The following PLD5 variants were observed in gnomAD, a reference collection of about 807,000 sequenced individuals.
PLD5 encodes the protein phospholipase D family member 5.
PLD5 carries 36 observed loss-of-function variants against 61.1 expected under a neutral mutation model. The observed-to-expected ratio is 0.59, with a 90% confidence interval of 0.45 to 0.78. The LOEUF is 0.78. PLD5 is among the 30% of genes least tolerant of loss of function. The probability of loss-of-function intolerance (pLI) is 0.00; values close to 1 mark genes in which losing one functional copy is unlikely to be tolerated. For synonymous variants in PLD5, 243 were observed against 242.8 expected (o/e 1.00, Z -0.01); for missense variants, 515 against 644.4 (o/e 0.80, Z 2.17).
At chr1:242,426,267 C>A (rs1665416275) in intron 1 of PLD5, among the ~76,000 whole-genome samples, 1 of 142,466 alleles carries the variant, frequency 7.0e-6, no homozygotes, top group African/African-American at 2.7e-5. Context: ...ATGACTTCTT[C>A]TGAAATACCT....
intron 2 of PLD5, among the ~76,000 whole-genome samples, chr1:242,338,490 T>C (rs1419138782): frequency 1.3e-5 from 2 of 152,114 alleles, no homozygotes; most frequent in East Asian, 3.9e-4. Flanking sequence ...ATTCAAATTA[T>C]CTCTTTGGAG....
At chr1:242,128,314 AAG>A (rs1310925154) in intron 5 of PLD5, among the ~76,000 whole-genome samples, 2 of 98,878 alleles carry the variant, frequency 2.0e-5, no homozygotes, top group African/African-American at 9.2e-5. Context: ...CAAGGAAAGA[AAG>A]AAAAAAAAAA....
intron 4 of PLD5, among the ~76,000 whole-genome samples, chr1:242,236,866 T>C (rs921082419): frequency 6.6e-6 from 1 of 152,222 alleles, no homozygotes; most frequent in African/African-American, 2.4e-5. Context: ...CTTAGAAAAA[T>C]GTAATCACTG....
intron 2 of PLD5, among the ~76,000 whole-genome samples, chr1:242,315,405 A>G (rs1197856323): frequency 1.3e-5 from 2 of 152,204 alleles, no homozygotes; most frequent in Non-Finnish European, 1.5e-5. Context: ...GTCAACAAAC[A>G]TTTATTGAGT....
intron 1 of PLD5, among the ~76,000 whole-genome samples, chr1:242,402,892 G>T (rs1029291562): frequency 2.0e-5 from 3 of 152,154 alleles, no homozygotes; most frequent in Non-Finnish European, 4.4e-5. Context: ...ACCAAAAACA[G>T]TGCTAGAAGC....
intron 1 of PLD5, among the ~76,000 whole-genome samples, chr1:242,522,508 G>A (rs1360252364): frequency 6.6e-6 from 1 of 152,212 alleles, no homozygotes; most frequent in Non-Finnish European, 1.5e-5. Flanking sequence ...TTTTCAGTAA[G>A]AGAATAAAGG....
intron 1 of PLD5, among the ~76,000 whole-genome samples, chr1:242,484,107 G>C (rs1667874976): frequency 6.6e-6 from 1 of 152,062 alleles, no homozygotes; most frequent in South Asian, 2.1e-4. Context: ...AGAGAAAGCA[G>C]GAAAGATCCA....
At chr1:242,238,550 G>A (rs902681069) in intron 4 of PLD5, among the ~76,000 whole-genome samples, 7 of 152,142 alleles carry the variant, frequency 4.6e-5, no homozygotes, top group Non-Finnish European at 8.8e-5. Context: ...GAGTTTCCAC[G>A]GTCTAAGTAA....
At chr1:242,490,177 C>A (rs1420965458) in intron 1 of PLD5, among the ~76,000 whole-genome samples, 1 of 152,176 alleles carries the variant, frequency 6.6e-6, no homozygotes, top group Non-Finnish European at 1.5e-5. Flanking sequence ...TTAGTGAGAA[C>A]CATGGCTCCA....
At chr1:242,279,749 G>T (rs1674618066) in intron 3 of PLD5, among the ~76,000 whole-genome samples, 1 of 152,074 alleles carries the variant, frequency 6.6e-6, no homozygotes, top group Non-Finnish European at 1.5e-5. Context: ...GGCCAGGATG[G>T]TCTTGACCTA....
At chr1:242,151,075 CACA>C in intron 5 of PLD5, among the ~76,000 whole-genome samples, 1 of 151,754 alleles carries the variant, frequency 6.6e-6, no homozygotes. Context: ...ATAAGGACCT[CACA>C]ACAATATACT....
chr1:242,462,610 TAAAAAA>T (rs35055569), intron 1 of PLD5, among the ~76,000 whole-genome samples: 1 of 145,928 alleles, frequency 6.9e-6, no homozygotes, highest in Non-Finnish European at 1.5e-5. Context: ...AAAGTTGAAA[TAAAAAA>T]AAAAAGAAAA....
intron 2 of PLD5, among the ~76,000 whole-genome samples, chr1:242,326,310 G>A (rs1324945652): frequency 6.6e-6 from 1 of 151,658 alleles, no homozygotes; most frequent in Non-Finnish European, 1.5e-5. Context: ...TAAAGATAAA[G>A]GTACTGCGGC....
In PLD5 at chr1:242,161,736, C is replaced by T. The variant is rs187351941; in HGVS notation, c.736-37071G>A. Among the ~76,000 whole-genome samples, 4 of 147,464 alleles carry T rather than the reference C, an allele frequency of 2.7e-5. No homozygotes were observed. In the East Asian group the frequency reaches 8.1e-4, roughly 30 times the overall value. On this transcript the variant is annotated intron_variant, in intron 5 of 9. Coordinates refer to ENST00000536534, the MANE Select transcript of PLD5 (RefSeq NM_001372062.1). ...CTCATTTTGGTGGTGAAGATCTCGT[C>T]CAGAAGTAATATACGTCAAGAAAGA...
chr1:242,152,928 C>T lies in PLD5; in HGVS notation c.736-28263G>A, dbSNP rs549424339. 5.7e-3 allele frequency among the ~76,000 whole-genome samples: 871 copies of T among 152,314 alleles called. 7 individuals carry two copies. The highest frequency in any genetic ancestry group is 7.5e-3 in the Non-Finnish European group (511 of 68,036). On this transcript the variant is annotated intron_variant, in intron 5 of 9. Coordinates refer to ENST00000536534, the MANE Select transcript of PLD5 (RefSeq NM_001372062.1). The stretch of plus-strand genomic sequence containing the variant: ...CTTGTTCTAGATCCTTGAGGAATCG[C>T]CACACTGTCTTCCACAATGGTTGAA...
At chr1:242,097,111 G>A (rs1012086165) in intron 9 of PLD5, among the ~76,000 whole-genome samples, 9 of 152,120 alleles carry the variant, frequency 5.9e-5, no homozygotes, top group Admixed American at 2.0e-4. Context: ...AGCATTCCAC[G>A]GTGTATATGT....
chr1:242,366,688 C>T (rs1343870718), intron 1 of PLD5, among the ~76,000 whole-genome samples: 1 of 152,072 alleles, frequency 6.6e-6, no homozygotes, highest in African/African-American at 2.4e-5. Context: ...GTAATAAATT[C>T]AGCGTTGGAT....
intron 3 of PLD5, among the ~76,000 whole-genome samples, chr1:242,271,488 CA>C (rs1284654785): frequency 2.0e-5 from 3 of 152,078 alleles, no homozygotes; most frequent in Admixed American, 2.0e-4. Flanking sequence ...AACAACCTCT[CA>C]CCAAAACAAT....
intron 1 of PLD5, among the ~76,000 whole-genome samples, chr1:242,394,969 T>TATATATGAA (rs1663415754): frequency 3.3e-5 from 2 of 60,446 alleles, no homozygotes; most frequent in Non-Finnish European, 6.2e-5. Context: ...ATATATATGA[T>TATATATGAA]TATATATGAA....
Sources: allele counts gnomAD v4.1 joint callset (sites outside exome capture counted in the v4.1 genomes callset), GRCh38; gene constraint gnomAD v4.1.1; transcripts MANE v1.5; gene names NCBI Gene and HGNC (gene_info 2026-07-23, HGNC 2026-07-21).